FAM168A: variants seen among roughly 807,000 people sequenced by gnomAD.
FAM168A encodes family with sequence similarity 168 member A, also known as protein FAM168A.
In FAM168A, 3 loss-of-function variants were observed where a neutral mutation model predicts 28.5. The ratio of observed to expected loss-of-function variants is 0.11; its 90% confidence interval spans 0.05 to 0.27. The LOEUF (loss-of-function observed/expected upper bound fraction) is 0.27. FAM168A is among the 10% of genes least tolerant of loss of function. The pLI, the probability that FAM168A is intolerant of heterozygous loss-of-function variation, is 1.00. For missense variants in FAM168A, 222 were observed against 311.5 expected (o/e 0.71, Z 2.16); for synonymous variants, 122 against 124.2 (o/e 0.98, Z 0.12).
At chr11:73,460,540 A>G (rs1440616816) in intron 2 of FAM168A, among the ~76,000 whole-genome samples, 4 of 115,532 alleles carry the variant, frequency 3.5e-5, no homozygotes, top group Non-Finnish European at 5.1e-5. Flanking sequence ...GTCTCACTCT[A>G]TTGCCCAGGC....
chr11:73,529,706 C>T lies in FAM168A; in HGVS notation c.-18-61214G>A, dbSNP rs1053794400. On this transcript the variant is annotated intron_variant, in intron 1 of 7. Transcript: ENST00000356467. ...CCTATTCCAGTGGTCCCAATCCATTCCAAGAAGAATCAGAATTAAGCCAAC... is the reference window on the plus strand; with the variant it reads ...CCTATTCCAGTGGTCCCAATCCATTTCAAGAAGAATCAGAATTAAGCCAAC... Among the ~76,000 whole-genome samples, 21 of 152,040 alleles carry T rather than the reference C, an allele frequency of 1.4e-4. 1 individual carries two copies. The highest frequency in any genetic ancestry group is 4.8e-4 in the African/African-American group (20 of 41,360).
chr11:73,429,018 G>A (rs1335984125), intron 3 of FAM168A, among the ~76,000 whole-genome samples: 1 of 152,126 alleles, frequency 6.6e-6, no homozygotes, highest in Non-Finnish European at 1.5e-5. Flanking sequence ...AAAAACAGGG[G>A]CTGTCTGATA....
chr11:73,522,613 G>T (rs1943396552), intron 1 of FAM168A, among the ~76,000 whole-genome samples: 1 of 151,798 alleles, frequency 6.6e-6, no homozygotes, highest in Non-Finnish European at 1.5e-5. Flanking sequence ...TGGGATTACA[G>T]GTGTGAGCCA....
chr11:73,556,191 T>G (rs1039933635), intron 1 of FAM168A, among the ~76,000 whole-genome samples: 2 of 151,598 alleles, frequency 1.3e-5, no homozygotes, highest in Non-Finnish European at 2.9e-5. Context: ...CCAAAAAAAA[T>G]TTTTTTAATT....
At chr11:73,553,367 T>G (rs1486038659) in intron 1 of FAM168A, among the ~76,000 whole-genome samples, 1 of 152,148 alleles carries the variant, frequency 6.6e-6, no homozygotes, top group Non-Finnish European at 1.5e-5. Context: ...AGAAAGACCA[T>G]GACCAAATGA....
At chr11:73,415,554 C>T (rs1000922058) in intron 4 of FAM168A, among the ~76,000 whole-genome samples, 7 of 152,342 alleles carry the variant, frequency 4.6e-5, no homozygotes, top group African/African-American at 1.7e-4. Context: ...CTAGTGCTGA[C>T]ATTCTAGGTC....
intron 1 of FAM168A, among the ~76,000 whole-genome samples, chr11:73,550,984 G>T (rs1013742634): frequency 6.6e-6 from 1 of 152,002 alleles, no homozygotes; most frequent in African/African-American, 2.4e-5. Context: ...GGTGATGGGC[G>T]CCTGTTGTCC....
chr11:73,582,357 TAAA>T (rs1221244140), intron 1 of FAM168A, among the ~76,000 whole-genome samples: 1 of 151,712 alleles, frequency 6.6e-6, no homozygotes, highest in African/African-American at 2.4e-5. Flanking sequence ...CCATCTCTAC[TAAA>T]AATACAAAAA....
chr11:73,479,430 C>G (rs893413707), intron 1 of FAM168A, among the ~76,000 whole-genome samples: 3 of 152,106 alleles, frequency 2.0e-5, no homozygotes, highest in South Asian at 2.1e-4. Flanking sequence ...AGGAATTCTA[C>G]AGAGAGAGGA....
At chr11:73,436,121 T>C (rs2134520191) in intron 2 of FAM168A, among the ~76,000 whole-genome samples, 1 of 152,352 alleles carries the variant, frequency 6.6e-6, no homozygotes, top group Middle Eastern at 3.4e-3. Flanking sequence ...CTTTATATCC[T>C]AAAGGCTGCA....
chr11:73,595,131 C>T (rs1357320907), intron 1 of FAM168A, among the ~76,000 whole-genome samples: 1 of 152,106 alleles, frequency 6.6e-6, no homozygotes, highest in African/African-American at 2.4e-5. Context: ...TTAATATAAA[C>T]ATCCCACCTC....
chr11:73,409,475 T>C lies in FAM168A; in HGVS notation c.595+12A>G. The C allele has an allele frequency of 6.2e-7, 1 of 1,613,332 alleles. No homozygotes were observed. The highest frequency in any genetic ancestry group is 8.5e-7 in the Non-Finnish European group (1 of 1,179,724). ...GGAAAGGGATGGACACTGATGCAGA[T>C]GCTGCCCTCACCTGCTGACATTGCC... On this transcript the variant is annotated intron_variant, in intron 6 of 7. Transcript: ENST00000356467.
intron 2 of FAM168A, among the ~76,000 whole-genome samples, chr11:73,445,499 C>G (rs998159689): frequency 1.6e-4 from 20 of 122,548 alleles, no homozygotes; most frequent in Non-Finnish European, 2.7e-4. Flanking sequence ...CTCCTGGCTT[C>G]AAGTGATCCT....
chr11:73,527,194 C>T (rs540138578), intron 1 of FAM168A, among the ~76,000 whole-genome samples: 1 of 152,252 alleles, frequency 6.6e-6, no homozygotes, highest in East Asian at 1.9e-4. Context: ...CATCCACTAA[C>T]AGCAGAAATA....
At chr11:73,517,693 C>T (rs904487793) in intron 1 of FAM168A, among the ~76,000 whole-genome samples, 11 of 152,120 alleles carry the variant, frequency 7.2e-5, no homozygotes, top group African/African-American at 2.7e-4. Context: ...ACTATACAAC[C>T]TTGTTTATAC....
chr11:73,553,347 GGAAGGGTGAA>G (rs1943850243), intron 1 of FAM168A, among the ~76,000 whole-genome samples: 1 of 152,122 alleles, frequency 6.6e-6, no homozygotes, highest in South Asian at 2.1e-4. Context: ...AATAAATGAT[GGAAGGGTGAA>G]GAAAGACCAT....
intron 2 of FAM168A, among the ~76,000 whole-genome samples, chr11:73,440,041 G>A (rs1006141499): frequency 4.0e-5 from 6 of 151,596 alleles, no homozygotes; most frequent in Non-Finnish European, 8.8e-5. Flanking sequence ...GCCTGCCACC[G>A]CGCCCAGCTA....
intron 1 of FAM168A, among the ~76,000 whole-genome samples, chr11:73,536,691 AAATAAT>A (rs933844499): frequency 3.3e-5 from 5 of 152,058 alleles, no homozygotes; most frequent in African/African-American, 9.7e-5. Flanking sequence ...CCGTCTCAAA[AAATAAT>A]AATAATAATA....
intron 1 of FAM168A, among the ~76,000 whole-genome samples, chr11:73,473,777 C>A (rs564647854): frequency 1.3e-5 from 2 of 152,074 alleles, no homozygotes; most frequent in South Asian, 4.2e-4. Flanking sequence ...TAAAATAGGT[C>A]CTCCACATGC....
Sources: allele counts gnomAD v4.1 joint callset (sites outside exome capture counted in the v4.1 genomes callset), GRCh38; gene constraint gnomAD v4.1.1; transcripts MANE v1.5; gene names NCBI Gene and HGNC (gene_info 2026-07-23, HGNC 2026-07-21).